The following STX1B variants were observed in gnomAD, a reference collection of about 807,000 sequenced individuals.
STX1B encodes syntaxin-1B.
In STX1B, 7 loss-of-function variants were observed where a neutral mutation model predicts 39.4. That is an observed-to-expected ratio of 0.18 (90% CI 0.10 to 0.33). The LOEUF (loss-of-function observed/expected upper bound fraction) is 0.33. STX1B is among the 10% of genes least tolerant of loss of function. The probability of loss-of-function intolerance (pLI) is 1.00; values close to 1 mark genes in which losing one functional copy is unlikely to be tolerated. For missense variants in STX1B, 198 were observed against 383.2 expected (o/e 0.52, Z 4.04); for synonymous variants, 136 against 144.1 (o/e 0.94, Z 0.40).
chr16:31,008,141 C>T (rs1224475009), intron 1 of STX1B, among the ~76,000 whole-genome samples: 1 of 151,966 alleles, frequency 6.6e-6, no homozygotes, highest in Non-Finnish European at 1.5e-5. Flanking sequence ...AGGTCCCCCA[C>T]ACCCTGCCAG....
intron 1 of STX1B, among the ~76,000 whole-genome samples, chr16:31,002,136 G>A (rs940226785): frequency 1.3e-5 from 2 of 152,000 alleles, no homozygotes; most frequent in African/African-American, 2.4e-5. Flanking sequence ...TAAGAGATAC[G>A]GGCAGCACCC....
chr16:30,999,034 A>C (rs529180764), intron 4 of STX1B, among the ~76,000 whole-genome samples: 1 of 152,294 alleles, frequency 6.6e-6, no homozygotes, highest in East Asian at 1.9e-4. Flanking sequence ...TGGAAAAAAA[A>C]GTATTTTGAT....
chr16:30,997,350 G>T (rs1348928407), intron 5 of STX1B, 152 bp downstream of exon 5: 1 of 699,648 alleles, frequency 1.4e-6, no homozygotes, highest in Non-Finnish European at 2.4e-6. Context: ...CCCGCCCAGG[G>T]CCCCGCCCGC....
At position 30,990,435 on chromosome 16, in the gene STX1B, G is replaced by C. The variant is rs188677275; in HGVS notation, c.*2386C>G. The C allele has an allele frequency of 6.6e-6, 1 of 152,300 alleles. No homozygotes were observed. The highest frequency in any genetic ancestry group is 1.5e-5 in the Non-Finnish European group (1 of 68,106). The allele number at this position is 152,300 out of a possible 1,614,324, so 9.4% of individuals were successfully genotyped here. On this transcript the variant is annotated 3_prime_UTR_variant, in exon 10 of 10. Transcript: ENST00000215095. ...CGTGGCCACACTGACACACACACAG[G>C]ACAAGGGAGAGCTCGGCTGTCTGAG...
intron 4 of STX1B, among the ~76,000 whole-genome samples, chr16:30,998,871 TA>T (rs2143673357): frequency 6.6e-6 from 1 of 152,180 alleles, no homozygotes; most frequent in Admixed American, 6.5e-5. Context: ...CAGGGGATTT[TA>T]AACTGCCAGC....
chr16:31,001,053 C>T lies in STX1B; in HGVS notation c.205+41G>A, dbSNP rs144830665. 1.3e-5 allele frequency: 21 copies of T among 1,613,670 alleles called. No homozygotes were observed. In the African/African-American group the frequency reaches 1.7e-4, roughly 13 times the overall value. ...GATGTCTGGGTGGGAACCCCAGGCC[C>T]CTTCTCCTCCCACCCCACAGTCACC... On this transcript the variant is annotated intron_variant, in intron 3 of 9. Transcript: ENST00000215095. The surrounding 1 kb of genome is among the most constrained non-coding windows in gnomAD (Gnocchi z 5.5).
chr16:31,004,410 A>T (rs1183857178), intron 1 of STX1B, among the ~76,000 whole-genome samples: 1 of 152,192 alleles, frequency 6.6e-6, no homozygotes, highest in Non-Finnish European at 1.5e-5. Flanking sequence ...GTAGTGGCTC[A>T]CGCCTGTAAT....
At chr16:31,007,796 G>A (rs1436859761) in intron 1 of STX1B, among the ~76,000 whole-genome samples, 5 of 152,274 alleles carry the variant, frequency 3.3e-5, no homozygotes, top group East Asian at 1.9e-4. Context: ...ACTGCTGGGC[G>A]CCAGGCCCCC....
chr16:30,992,649 G>GGT lies in STX1B; in HGVS notation c.*171_*172insAC, dbSNP rs201290311. 8 of 489,304 alleles carry GGT rather than the reference G, an allele frequency of 1.6e-5. No individual in the cohort carries two copies. Among genetic ancestry groups the GGT allele is most frequent in the South Asian group, 5.4e-5 (2 of 37,182 alleles). 30.3% of individuals were successfully genotyped at this position (489,304 alleles called of 1,614,324 possible). A position where few individuals can be genotyped will look rare whatever the true frequency, so the allele number is the denominator to read the frequency against. The stretch of plus-strand genomic sequence containing the variant: ...CGATCTACGTGCGGGGACGGGGGGG[G>GGT]GGTCCATGGCCCGGTGAGGTCCAGG... On this transcript the variant is annotated 3_prime_UTR_variant, in exon 10 of 10. Coordinates refer to ENST00000215095, the MANE Select transcript of STX1B (RefSeq NM_052874.5).
At chr16:30,996,795 A>C (rs2056594870) in intron 6 of STX1B, 39 bp from the exon 7 acceptor site, 1 of 1,606,796 alleles carries the variant, frequency 6.2e-7, no homozygotes, top group African/African-American at 1.3e-5. Context: ...GGGCTGGGAC[A>C]GCCTGGGGGC....
intron 4 of STX1B, 149 bp downstream of exon 4, chr16:31,000,779 T>C: frequency 1.3e-6 from 1 of 775,900 alleles, no homozygotes; most frequent in Non-Finnish European, 2.1e-6. Flanking sequence ...TTGTATTTTT[T>C]GTAGAGACAG....
chr16:30,996,843 C>A, intron 6 of STX1B, 87 bp from the exon 7 acceptor site: 1 of 1,571,950 alleles, frequency 6.4e-7, no homozygotes, highest in African/African-American at 1.3e-5. Context: ...TGGGGCCCAC[C>A]CTCCCACGCC....
intron 7 of STX1B, 74 bp from the exon 8 acceptor site, chr16:30,993,558 G>A (rs1467113636): frequency 2.6e-6 from 4 of 1,545,292 alleles, no homozygotes; most frequent in Non-Finnish European, 3.5e-6. Context: ...GAGTGGCCAG[G>A]GTCAAATCCG....
At position 30,989,873 on chromosome 16, in the gene STX1B, G is replaced by C. The variant is rs796172929; in HGVS notation, c.*2948C>G. On this transcript the variant is annotated 3_prime_UTR_variant, in exon 10 of 10. Transcript: ENST00000215095. ...GGAGCACTGAGCCCTGGCCAGGCCC[G>C]GGACCACCCGCAGGGCACACGTGGG... The C allele has an allele frequency of 6.6e-5, 10 of 152,562 alleles. No individual in the cohort carries two copies. Among genetic ancestry groups the C allele is most frequent in the African/African-American group, 2.4e-4 (10 of 41,548 alleles). 9.5% of individuals were successfully genotyped at this position (152,562 alleles called of 1,614,324 possible).
At chr16:30,995,814 G>A (rs2056588838) in intron 7 of STX1B, among the ~76,000 whole-genome samples, 1 of 152,094 alleles carries the variant, frequency 6.6e-6, no homozygotes, top group Admixed American at 6.5e-5. Flanking sequence ...ATATGTAAAA[G>A]GACAAGGGCA....
intron 1 of STX1B, among the ~76,000 whole-genome samples, chr16:31,003,187 G>T (rs950470583): frequency 6.6e-6 from 1 of 152,198 alleles, no homozygotes; most frequent in Non-Finnish European, 1.5e-5. Context: ...GAACTCCAGG[G>T]AGTCTTCACA....
intron 5 of STX1B, 52 bp downstream of exon 5, chr16:30,997,450 C>T: frequency 1.3e-6 from 2 of 1,505,028 alleles, no homozygotes; most frequent in Non-Finnish European, 1.8e-6. Flanking sequence ...CCAGCCTGGG[C>T]TCCTCCCGAG....
At chr16:31,009,077 C>A (rs959953756) in intron 1 of STX1B, among the ~76,000 whole-genome samples, 2 of 152,156 alleles carry the variant, frequency 1.3e-5, no homozygotes, top group Non-Finnish European at 2.9e-5. Flanking sequence ...TCCCATTTGG[C>A]AACCTGTCTG....
intron 4 of STX1B, among the ~76,000 whole-genome samples, chr16:30,998,417 G>A (rs1300311954): frequency 1.3e-5 from 2 of 152,238 alleles, no homozygotes; most frequent in Admixed American, 1.3e-4. Flanking sequence ...TCCCCCGATT[G>A]AGTGACAGCT....
Sources: gnomAD v4.1 joint callset for allele counts (sites outside exome capture counted in the v4.1 genomes callset) on GRCh38, gnomAD v4.1.1 for gene constraint, Gnocchi (gnomAD v3.1) non-coding constraint, MANE v1.5 for transcripts, NCBI Gene and HGNC (gene_info 2026-07-23, HGNC 2026-07-21) for gene names.